Variants in ADRA1A observed in about 807,000 individuals in gnomAD.
The protein encoded by ADRA1A is alpha-1A adrenergic receptor.
A neutral mutation model predicts 29.6 loss-of-function variants in ADRA1A; 31 were observed. The ratio of observed to expected loss-of-function variants is 1.05; its 90% CI spans 0.79 to 1.41. The LOEUF (loss-of-function observed/expected upper bound fraction) is 1.41. ADRA1A is among the 40% of genes most tolerant of loss of function. The pLI is 0.00. For synonymous variants in ADRA1A, 311 were observed against 254.3 expected (o/e 1.22, Z -2.12); for missense variants, 619 against 601.1 (o/e 1.03, Z -0.31).
In ADRA1A at chr8:26,865,727, G is replaced by A; in HGVS notation, c.-686-72C>T. 1 of 985,376 alleles carries A rather than the reference G, an allele frequency of 1.0e-6. No individual in the cohort carries two copies. The allele number at this position is 985,376 out of a possible 1,614,324, so 61.0% of individuals were successfully genotyped here. A position where few individuals can be genotyped will look rare whatever the true frequency, so the allele number is the denominator to read the frequency against. ...GGAAAGAGGCTGTGCTGAGCTTGACGGGTTGGGGGACACCAGTTGGGAGCC... is the reference window on the plus strand; with the variant it reads ...GGAAAGAGGCTGTGCTGAGCTTGACAGGTTGGGGGACACCAGTTGGGAGCC... On this transcript the variant is annotated intron_variant, in intron 1 of 2. Transcript: ENST00000380573. This position sits in a 1 kb window ranked among gnomAD's most constrained non-coding sequence, Gnocchi z 7.6.
chr8:26,779,376 G>C (rs770107563), intron 2 of ADRA1A: 19 of 702,682 alleles, frequency 2.7e-5, no homozygotes, highest in Middle Eastern at 2.3e-4. Flanking sequence ...ATGGTGAACT[G>C]GTTGTTTAAA....
exon 3 of ADRA1A, chr8:26,748,176 A>G (rs559011544): frequency 6.6e-6 from 1 of 152,274 alleles, no homozygotes; most frequent in East Asian, 1.9e-4. Flanking sequence ...CTGGGTGTCT[A>G]TGGGAAGGTA....
intron 2 of ADRA1A, among the ~76,000 whole-genome samples, chr8:26,846,277 T>G (rs567284297): frequency 3.9e-5 from 6 of 152,240 alleles, no homozygotes; most frequent in Admixed American, 1.3e-4. Context: ...ATGTGCTGTT[T>G]CTGATGTATT....
chr8:26,861,303 G>GTTTTTTTTTTTT (rs35538353), intron 2 of ADRA1A, among the ~76,000 whole-genome samples: 1 of 119,674 alleles, frequency 8.4e-6, no homozygotes, highest in Non-Finnish European at 1.7e-5. Context: ...CAGAGGCTCT[G>GTTTTTTTTTTTT]TTTTTTTTTT....
chr8:26,857,243 A>T (rs895391996), intron 2 of ADRA1A, among the ~76,000 whole-genome samples: 1 of 152,170 alleles, frequency 6.6e-6, no homozygotes, highest in African/African-American at 2.4e-5. Context: ...TTCAATTGCC[A>T]GGCAAGCTGG....
intron 2 of ADRA1A, among the ~76,000 whole-genome samples, chr8:26,837,066 A>G (rs888983143): frequency 1.3e-5 from 2 of 152,118 alleles, no homozygotes; most frequent in African/African-American, 4.8e-5. Context: ...TCTGCCTAAT[A>G]GAACTGTGAT....
intron 2 of ADRA1A, among the ~76,000 whole-genome samples, chr8:26,817,242 T>G (rs913867250): frequency 2.0e-5 from 3 of 152,166 alleles, no homozygotes; most frequent in Admixed American, 1.3e-4. Flanking sequence ...GGACACATAC[T>G]TCACCAAAAA....
rs561120506 is a variant in ADRA1A, at chr8:26,775,886, G to T, written c.884-5220C>A. Among the ~76,000 whole-genome samples the T allele has an allele frequency of 6.6e-6, 1 of 152,172 alleles. No homozygotes were observed. Among genetic ancestry groups the T allele is most frequent in the South Asian group, 2.1e-4 (1 of 4,828 alleles). ...CTCACTTCCACTGTAAAGGCCTCTA[G>T]ATGCCAAGAAGAAATTGAAACGAAT... is the stretch of plus-strand genomic sequence containing the variant. On this transcript the variant is annotated intron_variant, in intron 2 of 2. Coordinates refer to ENST00000380573, the MANE Select transcript of ADRA1A (RefSeq NM_000680.4). This position sits in a 1 kb window ranked among gnomAD's most constrained non-coding sequence, Gnocchi z 4.1.
chr8:26,779,729 T>C (rs1046249006), intron 2 of ADRA1A, among the ~76,000 whole-genome samples: 1 of 152,122 alleles, frequency 6.6e-6, no homozygotes, highest in African/African-American at 2.4e-5. Flanking sequence ...TGTCATGCAG[T>C]GCGTCTGCAT....
chr8:26,770,243 A>G lies in ADRA1A; in HGVS notation c.1307T>C (p.Val436Ala). The G allele has an allele frequency of 6.2e-7, 1 of 1,613,504 alleles. No individual in the cohort carries two copies. Among genetic ancestry groups the G allele is most frequent in the Non-Finnish European group, 8.5e-7 (1 of 1,179,596 alleles). Residue 436 changes from valine to alanine, a missense_variant, in exon 3 of 3, where the codon GTA becomes GCA. Coordinates refer to ENST00000380573, the MANE Select transcript of ADRA1A (RefSeq NM_000680.4). ...SKSFLQVCCC[V>A]GPSTPSLDKN... ...GTCAAGGCTGGGGGTTGAGGGCCCT[A>G]CACAGCAGCAGACCTGCAAAAAGCT...
intron 2 of ADRA1A, among the ~76,000 whole-genome samples, chr8:26,804,111 G>A (rs573635389): frequency 1.2e-4 from 18 of 151,610 alleles, no homozygotes; most frequent in Admixed American, 3.9e-4. Flanking sequence ...TTTTAGAGTC[G>A]GGGTCTTGCT....
intron 2 of ADRA1A, among the ~76,000 whole-genome samples, chr8:26,854,935 T>C (rs1244421197): frequency 6.6e-6 from 1 of 152,142 alleles, no homozygotes; most frequent in Non-Finnish European, 1.5e-5. Context: ...CCTCACTCCT[T>C]CCACCAAGTG....
intron 2 of ADRA1A, among the ~76,000 whole-genome samples, chr8:26,784,955 A>G (rs1471606948): frequency 1.3e-5 from 2 of 152,202 alleles, no homozygotes; most frequent in Non-Finnish European, 2.9e-5. Context: ...CACTGAGGCC[A>G]GAGACTGGGG....
intron 2 of ADRA1A, among the ~76,000 whole-genome samples, chr8:26,851,972 A>G (rs1812668660): frequency 6.6e-6 from 1 of 152,184 alleles, no homozygotes; most frequent in Non-Finnish European, 1.5e-5. Flanking sequence ...TTAATTATTG[A>G]TTACATATTA....
intron 2 of ADRA1A, among the ~76,000 whole-genome samples, chr8:26,812,819 C>T (rs544041429): frequency 6.6e-5 from 10 of 151,868 alleles, no homozygotes; most frequent in Non-Finnish European, 1.0e-4. Context: ...CGCCCGCCAC[C>T]ACGCCAGGCT....
intron 2 of ADRA1A, among the ~76,000 whole-genome samples, chr8:26,800,908 A>G (rs1808527750): frequency 6.6e-6 from 1 of 152,188 alleles, no homozygotes; most frequent in Non-Finnish European, 1.5e-5. Context: ...ATTCAACAAC[A>G]TATTAAAAAG....
At position 26,805,032 on chromosome 8, in the gene ADRA1A, A is replaced by G. The variant is rs1395617572; in HGVS notation, c.884-34366T>C. On this transcript the variant is annotated intron_variant, in intron 2 of 2. Transcript: ENST00000380573. This position sits in a 1 kb window ranked among gnomAD's most constrained non-coding sequence, Gnocchi z 4.8. ...GCATGCACACACACAAACATACACC[A>G]CTCAGGTTTCATAGACATTATTTCT... 9.2e-5 allele frequency among the ~76,000 whole-genome samples: 14 copies of G among 152,052 alleles called. No homozygotes were observed. Among genetic ancestry groups the G allele is most frequent in the Admixed American group, 9.2e-4 (14 of 15,278 alleles).
intron 2 of ADRA1A, among the ~76,000 whole-genome samples, chr8:26,812,918 G>T (rs1005025417): frequency 1.3e-5 from 2 of 151,848 alleles, no homozygotes; most frequent in African/African-American, 4.9e-5. Flanking sequence ...CGCCCACCTT[G>T]GCCTCCCAAA....
chr8:26,792,801 A>G (rs1234503267), intron 2 of ADRA1A, among the ~76,000 whole-genome samples: 11 of 148,748 alleles, frequency 7.4e-5, no homozygotes, highest in African/African-American at 2.8e-4. Flanking sequence ...ACCATTCATT[A>G]ATTATTGCTT....
Sources: allele counts gnomAD v4.1 joint callset (sites outside exome capture counted in the v4.1 genomes callset), GRCh38; gene constraint gnomAD v4.1.1; non-coding constraint Gnocchi (gnomAD v3.1); transcripts MANE v1.5; gene names NCBI Gene and HGNC (gene_info 2026-07-23, HGNC 2026-07-21).